Variants in TIAM1 observed in about 807,000 individuals in gnomAD.
TIAM1 encodes rho guanine nucleotide exchange factor TIAM1.
Under a neutral mutation model 163.5 loss-of-function variants are expected in TIAM1, and 65 were observed. The observed-to-expected ratio is 0.40, with a 90% confidence interval of 0.33 to 0.49. TIAM1 has a LOEUF of 0.49. Among genes scored for constraint, TIAM1 ranks in the 20% least tolerant of loss-of-function variants. TIAM1 has a pLI of 0.77. For missense variants in TIAM1, 1,789 were observed against 2,044.7 expected, an observed-to-expected ratio of 0.87 and a Z score of 2.41; for synonymous variants, 833 against 810.1, an observed-to-expected ratio of 1.03 and a Z score of -0.48.
chr21:31,165,351 A>G (rs534134187), intron 15 of TIAM1, among the ~76,000 whole-genome samples: 1 of 152,304 alleles, frequency 6.6e-6, no homozygotes, highest in Non-Finnish European at 1.5e-5. Context: ...CTACCCCTCA[A>G]TGTAATAGTA....
intron 2 of TIAM1, among the ~76,000 whole-genome samples, chr21:31,297,509 C>G (rs2074326973): frequency 1.3e-5 from 2 of 152,220 alleles, no homozygotes; most frequent in African/African-American, 4.8e-5. Context: ...ATTCTCCCGC[C>G]TCAGCCTCCT....
chr21:31,283,788 C>G (rs2073676202), intron 2 of TIAM1, among the ~76,000 whole-genome samples: 1 of 152,070 alleles, frequency 6.6e-6, no homozygotes, highest in African/African-American at 2.4e-5. Flanking sequence ...GTGATCCACC[C>G]TCCTTGGCTT....
chr21:31,410,418 G>C (rs879510892), intron 2 of TIAM1, among the ~76,000 whole-genome samples: 19 of 151,972 alleles, frequency 1.3e-4, no homozygotes, highest in Admixed American at 1.2e-3. Context: ...GAGAGTATGT[G>C]AGTGCGTAAG....
chr21:31,476,640 G>C (rs1366831669), intron 1 of TIAM1, among the ~76,000 whole-genome samples: 4 of 152,184 alleles, frequency 2.6e-5, no homozygotes, highest in Non-Finnish European at 5.9e-5. Flanking sequence ...CAAATGATGG[G>C]TGTCAGATGC....
chr21:31,336,488 C>CTTTT (rs34052300), intron 2 of TIAM1, among the ~76,000 whole-genome samples: 7 of 125,456 alleles, frequency 5.6e-5, no homozygotes, highest in African/African-American at 8.6e-5. Context: ...TTGCCCCTTG[C>CTTTT]TTTTTTTTTT....
In TIAM1 at chr21:31,228,239, A is replaced by AGGAG. The variant is rs1569068810; in HGVS notation, c.1585-2290_1585-2289insCTCC. Among the ~76,000 whole-genome samples the AGGAG allele has an allele frequency of 2.5e-3, 123 of 49,248 alleles. 1 individual carries two copies. The highest frequency in any genetic ancestry group is 0.014 in the Middle Eastern group (1 of 72). 32.3% of individuals were successfully genotyped at this position (49,248 alleles called of 152,430 possible). ...TTTTTTTAAAAAAAAAAAAAAAAAAAAAAAAAAAAAAAAAAAAAAAGGAAG... is the reference window on the plus strand; with the variant it reads ...TTTTTTTAAAAAAAAAAAAAAAAAAAGGAGAAAAAAAAAAAAAAAAAAAAGGAAG... On this transcript the variant is annotated intron_variant, in intron 6 of 27. Transcript: ENST00000541036.
chr21:31,338,066 G>A (rs2066717003), intron 2 of TIAM1, among the ~76,000 whole-genome samples: 1 of 152,124 alleles, frequency 6.6e-6, no homozygotes, highest in South Asian at 2.1e-4. Context: ...GGTCAACCCG[G>A]AGGTTTTATC....
At chr21:31,354,505 T>C (rs2076284577) in intron 2 of TIAM1, among the ~76,000 whole-genome samples, 1 of 152,032 alleles carries the variant, frequency 6.6e-6, no homozygotes, top group Non-Finnish European at 1.5e-5. Context: ...GTTCAAACTC[T>C]GGACTGAGAT....
chr21:31,329,420 ACTC>A (rs369805274), intron 2 of TIAM1, among the ~76,000 whole-genome samples: 47 of 151,770 alleles, frequency 3.1e-4, no homozygotes, highest in African/African-American at 1.1e-3. Flanking sequence ...AGTCCTGACG[ACTC>A]CTTGTGGGAA....
chr21:31,486,163 T>C (rs1475944783), intron 1 of TIAM1, among the ~76,000 whole-genome samples: 1 of 152,158 alleles, frequency 6.6e-6, no homozygotes, highest in Non-Finnish European at 1.5e-5. Context: ...GGAGGTGCCA[T>C]AAGGCACTGT....
intron 1 of TIAM1, among the ~76,000 whole-genome samples, chr21:31,480,145 AG>A (rs1186310807): frequency 6.6e-6 from 1 of 152,240 alleles, no homozygotes; most frequent in African/African-American, 2.4e-5. Context: ...TGCAAGGCAG[AG>A]CAAAAACATC....
intron 6 of TIAM1, among the ~76,000 whole-genome samples, chr21:31,235,725 T>C (rs964972889): frequency 2.0e-5 from 3 of 152,168 alleles, no homozygotes; most frequent in Non-Finnish European, 4.4e-5. Flanking sequence ...TTTAAACTAA[T>C]GTAAGAAAAG....
intron 2 of TIAM1, among the ~76,000 whole-genome samples, chr21:31,279,805 A>G (rs761288119): frequency 6.6e-6 from 1 of 152,228 alleles, no homozygotes; most frequent in Non-Finnish European, 1.5e-5. Flanking sequence ...TTTAAACCAT[A>G]AAGAATGTGC....
chr21:31,448,635 G>A (rs1261956065), intron 2 of TIAM1, among the ~76,000 whole-genome samples: 1 of 149,528 alleles, frequency 6.7e-6, no homozygotes, highest in African/African-American at 2.5e-5. Context: ...AACAAGAAGT[G>A]CAAATTGGAG....
In TIAM1 at chr21:31,120,601, C is replaced by T. The variant is rs377636162; in HGVS notation, c.4543G>A (p.Val1515Met). Residue 1515 changes from valine (V) to methionine (M), a missense_variant, in exon 28 of 28, where the codon GTG (valine) becomes ATG (methionine). By Grantham distance (21) the Val-to-Met change is conservative. Transcript: ENST00000541036. This position sits in a 1 kb window ranked among gnomAD's most constrained non-coding sequence, Gnocchi z 4.2. ...LSDDDEFCES[V>M]KGASVDRDLQ... Reference sequence around the variant, plus strand: ...TCTCTGTCCACTGAGGCACCCTTCACGGACTCACAGAACTCATCATCGTCA... The same window carrying T: ...TCTCTGTCCACTGAGGCACCCTTCATGGACTCACAGAACTCATCATCGTCA... 24 of 1,614,198 alleles carry T rather than the reference C, an allele frequency of 1.5e-5. No individual in the cohort carries two copies. The highest frequency in any genetic ancestry group is 1.8e-5 in the Non-Finnish European group (21 of 1,180,044).
intron 6 of TIAM1, among the ~76,000 whole-genome samples, chr21:31,228,013 C>T (rs2088091534): frequency 6.6e-6 from 1 of 151,700 alleles, no homozygotes; most frequent in Non-Finnish European, 1.5e-5. Flanking sequence ...AGTGATTCTC[C>T]TGCCTCAGCC....
chr21:31,137,207 G>C lies in TIAM1; in HGVS notation c.3775-1166C>G, dbSNP rs1395874610. On this transcript the variant is annotated intron_variant, in intron 22 of 27. Coordinates refer to ENST00000541036, the MANE Select transcript of TIAM1 (RefSeq NM_001353694.2). ...GCGACCCGCCACTGAACACAGTGCAGTTTGGATTGCCCTTCTCGAGCCACC... is the reference window on the plus strand; with the variant it reads ...GCGACCCGCCACTGAACACAGTGCACTTTGGATTGCCCTTCTCGAGCCACC... 4.6e-5 allele frequency among the ~76,000 whole-genome samples: 7 copies of C among 152,364 alleles called. No homozygotes were observed. In the East Asian group the frequency reaches 1.3e-3, roughly 29 times the overall value.
chr21:31,470,001 ATTT>A (rs540154867), intron 1 of TIAM1, among the ~76,000 whole-genome samples: 26,883 of 136,670 alleles, frequency 0.2, 2,737 homozygotes, highest in Admixed American at 0.25. Flanking sequence ...AAAACCTTGA[ATTT>A]TTTTTTTTTT....
chr21:31,427,179 CTA>C (rs1430838813), intron 2 of TIAM1, among the ~76,000 whole-genome samples: 2 of 152,172 alleles, frequency 1.3e-5, no homozygotes, highest in African/African-American at 2.4e-5. Flanking sequence ...TGGCAATATA[CTA>C]TGTCTTTAAG....
Sources: allele counts gnomAD v4.1 joint callset (sites outside exome capture counted in the v4.1 genomes callset), GRCh38; gene constraint gnomAD v4.1.1; non-coding constraint Gnocchi (gnomAD v3.1); transcripts MANE v1.5; gene names NCBI Gene and HGNC (gene_info 2026-07-23, HGNC 2026-07-21).